Variants in POF1B observed in about 807,000 individuals in gnomAD.
POF1B encodes the protein POF1B actin binding protein, also known as protein POF1B.
A neutral mutation model predicts 55.3 loss-of-function variants in POF1B; 53 were observed. That is an observed-to-expected ratio of 0.96 (90% CI 0.77 to 1.20). The LOEUF (loss-of-function observed/expected upper bound fraction) is 1.20, where lower values mean the gene tolerates loss of function less well. Among genes scored for constraint, POF1B ranks in the 50% most tolerant of loss-of-function variants. The pLI is 0.00. For missense variants in POF1B, 478 were observed against 420.5 expected (o/e 1.14, Z -1.20); for synonymous variants, 188 against 148.3 (o/e 1.27, Z -1.95).
chrX:85,299,832 A>G (rs1211051241), intron 15 of POF1B, among the ~76,000 whole-genome samples: 1 of 112,561 alleles, frequency 8.9e-6, no homozygotes, highest in Non-Finnish European at 1.9e-5. Context: ...GGTAAAACCC[A>G]GGAGCCTGGC....
At chrX:85,340,438 T>C (rs948159568) in intron 6 of POF1B, among the ~76,000 whole-genome samples, 28 of 110,384 alleles carry the variant, frequency 2.5e-4, no homozygotes, top group African/African-American at 8.5e-4. Flanking sequence ...TAAACAGAAA[T>C]GAGAGAGTAA....
chrX:85,372,773 C>CTATATATATATATATA (rs200507402), intron 2 of POF1B, among the ~76,000 whole-genome samples: 11 of 96,749 alleles, frequency 1.1e-4, no homozygotes, highest in African/African-American at 3.8e-4. Flanking sequence ...ATTATATATA[C>CTATATATATATATATA]TATATATATA....
intron 4 of POF1B, among the ~76,000 whole-genome samples, chrX:85,357,514 A>C (rs900438108): frequency 9.0e-6 from 1 of 110,829 alleles, no homozygotes; most frequent in Non-Finnish European, 1.9e-5. Context: ...TGCCTCCATA[A>C]GTATACCAAA....
rs1403546161 is a variant in POF1B at position 85,278,094 on chromosome X, A to G, written c.*1327T>C. 1 of 111,251 alleles carries G rather than the reference A, an allele frequency of 9.0e-6. No individual in the cohort carries two copies. The highest frequency in any genetic ancestry group is 1.9e-5 in the Non-Finnish European group (1 of 52,589). 9.2% of individuals were successfully genotyped at this position (111,251 alleles called of 1,213,427 possible). ...GCCGAAATATTAAGATAATATAAAT[A>G]AGGCTTTTAGCTTCATATCAAGACC... On this transcript the variant is annotated 3_prime_UTR_variant, in exon 17 of 17. Transcript: ENST00000262753.
chrX:85,290,162 C>A lies in POF1B; in HGVS notation c.1650-7845G>T, dbSNP rs557577390. Among the ~76,000 whole-genome samples, 9 of 110,799 alleles carry A rather than the reference C, an allele frequency of 8.1e-5. No individual in the cohort carries two copies. The South Asian group carries it at 3.5e-3, about 43-fold the overall frequency. The stretch of plus-strand genomic sequence containing the variant: ...GTGTCTACTGTTCCAATCTTTATGC[C>A]CATGAGTATCCCATGTTTAGCTCCC... On this transcript the variant is annotated intron_variant, in intron 15 of 16. Transcript: ENST00000262753.
chrX:85,280,879 C>T (rs1028733222), intron 16 of POF1B, among the ~76,000 whole-genome samples: 11 of 110,797 alleles, frequency 9.9e-5, no homozygotes, highest in African/African-American at 3.3e-4. Context: ...TCAACCTCAA[C>T]ACTACTTATT....
intron 15 of POF1B, among the ~76,000 whole-genome samples, chrX:85,296,981 A>C (rs1464160896): frequency 8.9e-6 from 1 of 112,038 alleles, no homozygotes; most frequent in Non-Finnish European, 1.9e-5. Flanking sequence ...TCTGTCTTCA[A>C]GCTCCAAGAT....
Position 85,379,208 on chromosome X carries a change from A to T in POF1B, c.247T>A (p.Ser83Thr). Reference sequence around the variant, plus strand: ...TCGCTCCAAACCAAATTTTGGTAGGAGGAGGTGGTTTTGAGAGGGGAGAGC... The same window carrying T: ...TCGCTCCAAACCAAATTTTGGTAGGTGGAGGTGGTTTTGAGAGGGGAGAGC... ...EVLSPLKTTS[S>T]YQNLVWSDHS... Residue 83 changes from serine (S) to threonine (T), a missense_variant, in exon 2 of 17, where the codon TCC becomes ACC. Ser to Thr is a moderately conservative substitution (Grantham distance 58). Coordinates refer to ENST00000262753, the MANE Select transcript of POF1B (RefSeq NM_024921.4). 8.3e-7 allele frequency: 1 copy of T among 1,211,174 alleles called. No homozygotes were observed.
At chrX:85,284,015 C>T (rs1279625526) in intron 15 of POF1B, among the ~76,000 whole-genome samples, 1 of 111,102 alleles carries the variant, frequency 9.0e-6, no homozygotes, top group Non-Finnish European at 1.9e-5. Context: ...ACACCAATAA[C>T]AGACAAACAG....
chrX:85,342,354 A>T (rs1490096459), intron 6 of POF1B, among the ~76,000 whole-genome samples: 1 of 111,868 alleles, frequency 8.9e-6, no homozygotes, highest in Admixed American at 9.5e-5. Flanking sequence ...ATCTAAAAAT[A>T]GTCTTACAAT....
chrX:85,308,653 C>T (rs192458233), intron 9 of POF1B, among the ~76,000 whole-genome samples: 274 of 111,093 alleles, frequency 2.5e-3, no homozygotes, highest in African/African-American at 8.7e-3. Context: ...AAGTATAGAG[C>T]TATCTAAATA....
At chrX:85,319,632 A>AT (rs1164679825) in intron 7 of POF1B, among the ~76,000 whole-genome samples, 1 of 110,892 alleles carries the variant, frequency 9.0e-6, no homozygotes, top group African/African-American at 3.3e-5. Flanking sequence ...TGATCATGTG[A>AT]TTTTTGTTTT....
At position 85,278,878 on chromosome X, in the gene POF1B, G is replaced by A. The variant is rs1165082281; in HGVS notation, c.*543C>T. On this transcript the variant is annotated 3_prime_UTR_variant, in exon 17 of 17. Coordinates refer to ENST00000262753, the MANE Select transcript of POF1B (RefSeq NM_024921.4). ...CTTTGACTTTCAAGAGGTGAAAATA[G>A]CGTGTAATAAAGCATATCTTTTAGT... 1 of 111,001 alleles carries A rather than the reference G, an allele frequency of 9.0e-6. No homozygotes were observed. Among genetic ancestry groups the A allele is most frequent in the African/African-American group, 3.3e-5 (1 of 30,707 alleles). The allele number at this position is 111,001 out of a possible 1,213,427, so 9.1% of individuals were successfully genotyped here.
intron 2 of POF1B, among the ~76,000 whole-genome samples, chrX:85,369,818 C>A (rs747080302): frequency 9.0e-6 from 1 of 111,663 alleles, no homozygotes; most frequent in Non-Finnish European, 1.9e-5. Context: ...ACTAATTTCC[C>A]AAATTTGACT....
At chrX:85,351,619 A>G (rs769154750) in intron 4 of POF1B, among the ~76,000 whole-genome samples, 168 bp from the exon 5 acceptor site, 4 of 110,872 alleles carry the variant, frequency 3.6e-5, no homozygotes, top group Non-Finnish European at 7.6e-5. Flanking sequence ...AATAATAATA[A>G]AGGTAGTTCC....
intron 6 of POF1B, among the ~76,000 whole-genome samples, chrX:85,338,124 G>T (rs190880801): frequency 8.1e-5 from 9 of 110,993 alleles, no homozygotes; most frequent in African/African-American, 2.9e-4. Context: ...GTAAACATTT[G>T]TTGGATAAAA....
chrX:85,310,901 C>T (rs1295802045), intron 9 of POF1B, among the ~76,000 whole-genome samples: 1 of 111,746 alleles, frequency 8.9e-6, no homozygotes, highest in Non-Finnish European at 1.9e-5. Flanking sequence ...TTTCTCATTA[C>T]AAATCATGAA....
At chrX:85,301,359 A>G (rs187016755) in intron 15 of POF1B, among the ~76,000 whole-genome samples, 10 of 112,151 alleles carry the variant, frequency 8.9e-5, no homozygotes, top group Admixed American at 1.9e-4. Flanking sequence ...CCAAGTAACA[A>G]AAAAACACTG....
chrX:85,306,000 A>T, intron 12 of POF1B, 90 bp from the exon 13 acceptor site: 1 of 1,038,095 alleles, frequency 9.6e-7, no homozygotes, highest in Non-Finnish European at 1.3e-6. Context: ...TGAAAACCAC[A>T]TGATTAAATA....
Sources: allele counts gnomAD v4.1 joint callset (sites outside exome capture counted in the v4.1 genomes callset), GRCh38; gene constraint gnomAD v4.1.1; transcripts MANE v1.5; gene names NCBI Gene and HGNC (gene_info 2026-07-23, HGNC 2026-07-21).